The following SH3PXD2B variants were observed in gnomAD, a reference collection of about 807,000 sequenced individuals.
SH3PXD2B encodes the protein SH3 and PX domain-containing protein 2B.
SH3PXD2B carries 37 observed loss-of-function variants against 73.1 expected under a neutral mutation model. The ratio of observed to expected loss-of-function variants is 0.51; its 90% CI spans 0.39 to 0.67. The LOEUF is 0.67. SH3PXD2B is among the 30% of genes least tolerant of loss of function. The pLI is 0.00. For synonymous variants in SH3PXD2B, 457 were observed against 480.5 expected (o/e 0.95, Z 0.64); for missense variants, 1,053 against 1,197.8 (o/e 0.88, Z 1.78).
chr5:172,345,103 A>T (rs1168196190), intron 12 of SH3PXD2B, among the ~76,000 whole-genome samples: 1 of 145,590 alleles, frequency 6.9e-6, no homozygotes, highest in Non-Finnish European at 1.5e-5. Context: ...AGAAGGAGGG[A>T]AGGAAGAAGG....
At chr5:172,436,547 G>T (rs1393729300) in intron 1 of SH3PXD2B, among the ~76,000 whole-genome samples, 2 of 152,214 alleles carry the variant, frequency 1.3e-5, no homozygotes, top group African/African-American at 2.4e-5. Context: ...CTTGCCCAAG[G>T]TCCTGTAGCC....
rs915764624 is a variant in SH3PXD2B, at chr5:172,373,824, G to C, written c.402-9C>G. 1 of 1,613,976 alleles carries C rather than the reference G, an allele frequency of 6.2e-7. No homozygotes were observed. The highest frequency in any genetic ancestry group is 8.5e-7 in the Non-Finnish European group (1 of 1,179,914). ...TTTTCCCAATGTGCTCCCTGTACAG[G>C]AAAGAAAGGGGGTGGGAAGAGTAAC... On this transcript the variant is annotated splice_polypyrimidine_tract_variant and intron_variant, in intron 5 of 12. Coordinates refer to ENST00000311601, the MANE Select transcript of SH3PXD2B (RefSeq NM_001017995.3).
At chr5:172,341,009 C>A (rs1414467230) in intron 12 of SH3PXD2B, among the ~76,000 whole-genome samples, 1 of 152,224 alleles carries the variant, frequency 6.6e-6, no homozygotes, top group African/African-American at 2.4e-5. Context: ...CGTGTCCCTA[C>A]TTCCCTGTGG....
At chr5:172,325,201 A>G (rs1756425252) in exon 13 of SH3PXD2B, 1 of 1,081,594 alleles carries the variant, frequency 9.2e-7, no homozygotes, top group African/African-American at 1.6e-5. Context: ...CGCATATTTT[A>G]CCACGACAAA....
At position 172,347,289 on chromosome 5, in the gene SH3PXD2B, C is replaced by G. The variant is rs1407183997; in HGVS notation, c.1056G>C (p.Met352Ile). ...GTAGCGAGGATCCACTTACAATGGT[C>G]ATGTCCCGGCGAGGAGGGGGTCTCT... ...MRQRPPPRRD[M>I]TIPRGLNLPK... Residue 352 changes from methionine (M) to isoleucine (I), a missense_variant, in exon 11 of 13, where the codon ATG becomes ATC. Met to Ile is a conservative substitution (Grantham distance 10). Coordinates refer to ENST00000311601, the MANE Select transcript of SH3PXD2B (RefSeq NM_001017995.3). 6.2e-7 allele frequency: 1 copy of G among 1,614,106 alleles called. No homozygotes were observed.
At chr5:172,391,454 C>CGTGG (rs371955732) in intron 4 of SH3PXD2B, among the ~76,000 whole-genome samples, 12 of 152,246 alleles carry the variant, frequency 7.9e-5, no homozygotes, top group African/African-American at 2.9e-4. Flanking sequence ...TCCCAGTCCA[C>CGTGG]GGCTTGCCAT....
intron 6 of SH3PXD2B, among the ~76,000 whole-genome samples, chr5:172,368,493 A>AAAT (rs1561907944): frequency 7.5e-5 from 1 of 13,328 alleles, no homozygotes; most frequent in Non-Finnish European, 1.2e-4. Flanking sequence ...AAATATATAT[A>AAAT]TATTATATAT....
At chr5:172,332,420 C>CTTTTT (rs11320850), downstream of SH3PXD2B, among the ~76,000 whole-genome samples, 1 of 142,296 alleles carries the variant, frequency 7.0e-6, no homozygotes, top group African/African-American at 2.6e-5. Flanking sequence ...CACCTGGCTA[C>CTTTTT]TTTTTTTTTT....
rs199727236 is a variant in SH3PXD2B at position 172,339,683 on chromosome 5, C to G, written c.1422G>C (p.Pro474=). 16 of 1,614,104 alleles carry G rather than the reference C, an allele frequency of 9.9e-6. No individual in the cohort carries two copies. In the South Asian group the frequency reaches 1.8e-4, roughly 18 times the overall value. ...TGPSRPLPDA[P]HGVMDSGLPW... is the part of the protein sequence containing the mutation. ...GCAACCCCGAGTCCATGACACCATG[C>G]GGTGCGTCAGGCAGGGGCCGGGAGG... The change falls in exon 13 of 13, where the codon CCG becomes CCC. Residue 474 remains proline, a synonymous_variant. Coordinates refer to ENST00000311601, the MANE Select transcript of SH3PXD2B (RefSeq NM_001017995.3). The surrounding 1 kb of genome is among the most constrained non-coding windows in gnomAD (Gnocchi z 6.1).
rs1377855154 is a variant in SH3PXD2B at position 172,448,323 on chromosome 5, T to C, written c.75+5955A>G. ...TCACGACTATTATTATCATCAATAG[T>C]ACTTTTCATGACTACCATTTATTGA... On this transcript the variant is annotated intron_variant, in intron 1 of 12. Coordinates refer to ENST00000311601, the MANE Select transcript of SH3PXD2B (RefSeq NM_001017995.3). 2.0e-5 allele frequency among the ~76,000 whole-genome samples: 3 copies of C among 152,204 alleles called. No homozygotes were observed. In the East Asian group the frequency reaches 5.8e-4, roughly 29 times the overall value.
chr5:172,441,707 A>C (rs1453937821), intron 1 of SH3PXD2B, among the ~76,000 whole-genome samples: 3 of 152,124 alleles, frequency 2.0e-5, no homozygotes, highest in African/African-American at 4.8e-5. Context: ...ACAATGCCCC[A>C]ACCGAATCCA....
At chr5:172,357,423 C>CAAAAA (rs1046224679) in intron 8 of SH3PXD2B, among the ~76,000 whole-genome samples, 1 of 127,864 alleles carries the variant, frequency 7.8e-6, no homozygotes, top group Non-Finnish European at 1.7e-5. Flanking sequence ...GACTCTGTCT[C>CAAAAA]AAAAAAAAAA....
rs1231349484 is a variant in SH3PXD2B at position 172,421,001 on chromosome 5, ACCT to A, written c.156+1412_156+1414del. On this transcript the variant is annotated intron_variant, in intron 2 of 12. Transcript: ENST00000311601. The surrounding 1 kb of genome is among the most constrained non-coding windows in gnomAD (Gnocchi z 4.0). ...GACGTTCAGTTACATCCGCGAAAAA[ACCT>A]CCTGTTTACTTCAGCCAGCTTCAGT... Among the ~76,000 whole-genome samples the A allele has an allele frequency of 2.7e-5, 4 of 150,484 alleles. No homozygotes were observed. Among genetic ancestry groups the A allele is most frequent in the African/African-American group, 7.3e-5 (3 of 40,818 alleles).
chr5:172,436,963 T>A (rs1759403484), intron 1 of SH3PXD2B, among the ~76,000 whole-genome samples: 1 of 152,094 alleles, frequency 6.6e-6, no homozygotes, highest in Non-Finnish European at 1.5e-5. Flanking sequence ...AGCTAGCTGT[T>A]AAGAAGGGGG....
In SH3PXD2B at chr5:172,335,018, A is replaced by T; in HGVS notation, c.*3351T>A. On this transcript the variant is annotated 3_prime_UTR_variant, in exon 13 of 13. Coordinates refer to ENST00000311601, the MANE Select transcript of SH3PXD2B (RefSeq NM_001017995.3). Reference sequence around the variant, plus strand: ...GGGAAGGGCCATTAAAAGCGGTTTAAGCTGGAGCTCAGCTCTCCCGCAGTC... The same window carrying T: ...GGGAAGGGCCATTAAAAGCGGTTTATGCTGGAGCTCAGCTCTCCCGCAGTC... 1 of 985,478 alleles carries T rather than the reference A, an allele frequency of 1.0e-6. No individual in the cohort carries two copies. Among genetic ancestry groups the T allele is most frequent in the Non-Finnish European group, 1.2e-6 (1 of 829,952 alleles). The allele number at this position is 985,478 out of a possible 1,614,324, so 61.0% of individuals were successfully genotyped here.
chr5:172,352,106 T>C (rs1041901283), intron 9 of SH3PXD2B, among the ~76,000 whole-genome samples: 2 of 152,240 alleles, frequency 1.3e-5, no homozygotes, highest in African/African-American at 2.4e-5. Context: ...GGGAGAGACC[T>C]TGAGTCTAAT....
At chr5:172,347,785 G>C (rs1371169484) in intron 10 of SH3PXD2B, among the ~76,000 whole-genome samples, 5 of 152,168 alleles carry the variant, frequency 3.3e-5, no homozygotes, top group African/African-American at 1.2e-4. Context: ...GGAAACATCT[G>C]TGAAGCTCTT....
intron 2 of SH3PXD2B, among the ~76,000 whole-genome samples, chr5:172,416,188 C>T (rs1048322629): frequency 5.9e-5 from 9 of 151,978 alleles, no homozygotes; most frequent in Admixed American, 1.3e-4. Flanking sequence ...ATTAGTCAGG[C>T]GTGGTGGCAC....
chr5:172,330,728 A>C (rs1202997414), downstream of SH3PXD2B, among the ~76,000 whole-genome samples: 1 of 152,256 alleles, frequency 6.6e-6, no homozygotes, highest in Non-Finnish European at 1.5e-5. Context: ...TAAGGGGCTC[A>C]GATGCCCAAG....
Sources: gnomAD v4.1 joint callset for allele counts (sites outside exome capture counted in the v4.1 genomes callset) on GRCh38, gnomAD v4.1.1 for gene constraint, Gnocchi (gnomAD v3.1) non-coding constraint, MANE v1.5 for transcripts, NCBI Gene and HGNC (gene_info 2026-07-23, HGNC 2026-07-21) for gene names.